Variants in RARRES1 observed in about 807,000 individuals in gnomAD.
The protein encoded by RARRES1 is retinoic acid receptor responder protein 1.
A neutral mutation model predicts 30.6 loss-of-function variants in RARRES1; 34 were observed. The observed-to-expected ratio is 1.11, with a 90% CI of 0.84 to 1.48. The LOEUF (loss-of-function observed/expected upper bound fraction) is 1.48, where lower values mean the gene tolerates loss of function less well. Among genes scored for constraint, RARRES1 ranks in the 40% most tolerant of loss-of-function variants. The pLI is 0.00. For missense variants in RARRES1, 373 were observed against 386.5 expected, an observed-to-expected ratio of 0.97 and a Z score of 0.29; for synonymous variants, 153 against 155.5, an observed-to-expected ratio of 0.98 and a Z score of 0.12.
At chr3:158,701,629 T>G (rs1726725773) in intron 4 of RARRES1, among the ~76,000 whole-genome samples, 1 of 152,232 alleles carries the variant, frequency 6.6e-6, no homozygotes, top group African/African-American at 2.4e-5. Flanking sequence ...AGAACAGTAT[T>G]TAGACCTTCT....
intron 3 of RARRES1, among the ~76,000 whole-genome samples, chr3:158,710,476 G>A (rs1727083304): frequency 6.6e-6 from 1 of 152,150 alleles, no homozygotes; most frequent in Admixed American, 6.5e-5. Flanking sequence ...CCAAAGTGCT[G>A]GGATTACAGG....
chr3:158,729,604 C>T (rs1727806311), intron 1 of RARRES1, among the ~76,000 whole-genome samples: 1 of 152,022 alleles, frequency 6.6e-6, no homozygotes, highest in African/African-American at 2.4e-5. Flanking sequence ...TGCCTGCCAC[C>T]ATGCCCGGCT....
At chr3:158,705,288 C>G (rs1726882090) in intron 3 of RARRES1, among the ~76,000 whole-genome samples, 1 of 152,200 alleles carries the variant, frequency 6.6e-6, no homozygotes, top group Non-Finnish European at 1.5e-5. Flanking sequence ...AGCTGCTTCT[C>G]CCTGAGACCA....
chr3:158,731,457 T>G (rs1727884150), intron 1 of RARRES1, among the ~76,000 whole-genome samples: 1 of 152,202 alleles, frequency 6.6e-6, no homozygotes, highest in South Asian at 2.1e-4. Context: ...ATTCCTACAG[T>G]CAATGCCTTG....
chr3:158,710,700 C>T (rs774058323), intron 3 of RARRES1, 38 bp downstream of exon 3: 1 of 1,518,144 alleles, frequency 6.6e-7, no homozygotes, highest in Non-Finnish European at 9.0e-7. Flanking sequence ...TTATTACATA[C>T]ATTCCTGAAT....
intron 4 of RARRES1, 41 bp downstream of exon 4, chr3:158,704,750 G>T (rs749544136): frequency 1.9e-6 from 3 of 1,599,776 alleles, no homozygotes; most frequent in Admixed American, 3.4e-5. Context: ...CACTTTGATT[G>T]TAACTCTTGT....
At chr3:158,698,124 T>C (rs1726608746) in intron 4 of RARRES1, 154 bp from the exon 5 acceptor site, 3 of 592,724 alleles carry the variant, frequency 5.1e-6, no homozygotes, top group African/African-American at 3.8e-5. Flanking sequence ...CTTCAAGATA[T>C]GGAAGTCATG....
intron 1 of RARRES1, among the ~76,000 whole-genome samples, chr3:158,715,477 T>G (rs1727294852): frequency 6.6e-6 from 1 of 152,126 alleles, no homozygotes; most frequent in African/African-American, 2.4e-5. Context: ...ATGGAAAGCC[T>G]CACTTTTTTG....
chr3:158,710,613 G>T, intron 3 of RARRES1, 125 bp downstream of exon 3: 1 of 874,206 alleles, frequency 1.1e-6, no homozygotes, highest in Non-Finnish European at 1.7e-6. Context: ...AATTATGAGG[G>T]ATACCACAAT....
intron 1 of RARRES1, among the ~76,000 whole-genome samples, chr3:158,725,830 G>A (rs185049386): frequency 2.0e-5 from 3 of 152,260 alleles, no homozygotes; most frequent in South Asian, 2.1e-4. Context: ...TCTGCAGACC[G>A]GATGGCTGCT....
At chr3:158,700,586 A>G (rs886335438) in intron 4 of RARRES1, among the ~76,000 whole-genome samples, 2 of 152,190 alleles carry the variant, frequency 1.3e-5, no homozygotes. Context: ...AACCAAACCA[A>G]AAAGCACAGC....
At chr3:158,713,936 G>T in intron 1 of RARRES1, 77 bp from the exon 2 acceptor site, 2 of 1,306,442 alleles carry the variant, frequency 1.5e-6, no homozygotes, top group Non-Finnish European at 1.1e-6. Flanking sequence ...ACACTCTTAG[G>T]ATAACATGGC....
chr3:158,707,084 G>A (rs551259775), intron 3 of RARRES1, among the ~76,000 whole-genome samples: 15 of 152,272 alleles, frequency 9.9e-5, no homozygotes, highest in East Asian at 7.7e-4. Flanking sequence ...CAGGAGAATC[G>A]CTTGAACCCA....
intron 1 of RARRES1, among the ~76,000 whole-genome samples, chr3:158,728,580 G>T (rs550262253): frequency 8.4e-4 from 124 of 148,364 alleles, no homozygotes; most frequent in Admixed American, 1.6e-3. Context: ...CTGGAGTGCA[G>T]TGGCATGATC....
intron 1 of RARRES1, among the ~76,000 whole-genome samples, chr3:158,725,873 A>G (rs979931538): frequency 6.6e-6 from 1 of 152,172 alleles, no homozygotes; most frequent in Non-Finnish European, 1.5e-5. Context: ...CCGTAGGCAC[A>G]TCTGTGCTAT....
intron 3 of RARRES1, among the ~76,000 whole-genome samples, chr3:158,708,452 A>G (rs893130056): frequency 1.3e-5 from 2 of 152,220 alleles, no homozygotes; most frequent in Admixed American, 6.5e-5. Flanking sequence ...CAGGTCTTCA[A>G]TCTTTCCCTC....
chr3:158,731,680 A>G (rs2108159829), intron 1 of RARRES1, among the ~76,000 whole-genome samples: 1 of 152,358 alleles, frequency 6.6e-6, no homozygotes, highest in African/African-American at 2.4e-5. Flanking sequence ...GCGGTATGGT[A>G]TGGCTACTGG....
chr3:158,705,351 G>A (rs1726885601), intron 3 of RARRES1, among the ~76,000 whole-genome samples: 2 of 152,040 alleles, frequency 1.3e-5, no homozygotes, highest in Non-Finnish European at 2.9e-5. Context: ...TCTTCCAACT[G>A]TCGCACACCT....
At chr3:158,724,111 A>G (rs746942108) in intron 1 of RARRES1, among the ~76,000 whole-genome samples, 1 of 152,158 alleles carries the variant, frequency 6.6e-6, no homozygotes, top group Non-Finnish European at 1.5e-5. Context: ...AGGAGAGGGC[A>G]GGTGGGTTCA....
Sources: allele counts gnomAD v4.1 joint callset (sites outside exome capture counted in the v4.1 genomes callset), GRCh38; gene constraint gnomAD v4.1.1; transcripts MANE v1.5; gene names NCBI Gene and HGNC (gene_info 2026-07-23, HGNC 2026-07-21).